BHMT2: variants seen among roughly 807,000 people sequenced by gnomAD.
BHMT2 encodes the protein S-methylmethionine--homocysteine S-methyltransferase BHMT2.
BHMT2 carries 28 observed loss-of-function variants against 39.0 expected under a neutral mutation model. The observed-to-expected ratio is 0.72, with a 90% CI of 0.53 to 0.98. The LOEUF is 0.98. Among genes scored for constraint, BHMT2 ranks in the 50% least tolerant of loss-of-function variants. The probability of loss-of-function intolerance (pLI) is 0.00; values close to 1 mark genes in which losing one functional copy is unlikely to be tolerated. For synonymous variants in BHMT2, 145 were observed against 160.6 expected, an observed-to-expected ratio of 0.90 and a Z score of 0.74; for missense variants, 410 against 455.6, an observed-to-expected ratio of 0.90 and a Z score of 0.91.
At chr5:79,087,014 G>GTATATATATATATATATATATATATATA (rs369119738) in intron 7 of BHMT2, among the ~76,000 whole-genome samples, 1 of 118,322 alleles carries the variant, frequency 8.5e-6, no homozygotes, top group Non-Finnish European at 1.7e-5. Context: ...GTGTGTGTGT[G>GTATATATATATATATATATATATATATA]TATATATATA....
chr5:79,076,242 C>T (rs1341280407), intron 1 of BHMT2, among the ~76,000 whole-genome samples: 2 of 152,292 alleles, frequency 1.3e-5, no homozygotes, highest in South Asian at 2.1e-4. Flanking sequence ...AATTCCACTT[C>T]GTCTGTGTCA....
intron 2 of BHMT2, 188 bp downstream of exon 2, chr5:79,077,800 A>C: frequency 1.8e-6 from 1 of 567,594 alleles, no homozygotes; most frequent in Non-Finnish European, 2.9e-6. Context: ...TCTCTCTCTC[A>C]TACACACACC....
At chr5:79,087,439 G>A (rs1755923412) in intron 7 of BHMT2, among the ~76,000 whole-genome samples, 1 of 152,026 alleles carries the variant, frequency 6.6e-6, no homozygotes, top group African/African-American at 2.4e-5. Context: ...TCATCTGCTA[G>A]GAATCCTTAA....
At chr5:79,080,628 T>G in intron 3 of BHMT2, 59 bp from the exon 4 acceptor site, 1 of 1,471,994 alleles carries the variant, frequency 6.8e-7, no homozygotes, top group Non-Finnish European at 9.1e-7. Flanking sequence ...TAGTTATCTT[T>G]TATATTTTAC....
intron 1 of BHMT2, 112 bp downstream of exon 1, chr5:79,069,927 T>C (rs1379554000): frequency 1.8e-6 from 2 of 1,132,994 alleles, no homozygotes; most frequent in Admixed American, 4.3e-5. Context: ...GGCAAAACAC[T>C]TGGACGGGAT....
At chr5:79,069,869 G>A (rs1247602869) in intron 1 of BHMT2, 54 bp downstream of exon 1, 45 of 1,346,376 alleles carry the variant, frequency 3.3e-5, no homozygotes, top group Non-Finnish European at 4.2e-5. Flanking sequence ...GGCTGCGAGC[G>A]ACTCCGTTCA....
intron 7 of BHMT2, among the ~76,000 whole-genome samples, chr5:79,085,030 G>A (rs995030639): frequency 2.0e-5 from 3 of 151,894 alleles, no homozygotes; most frequent in Non-Finnish European, 4.4e-5. Flanking sequence ...CTACCCCTTG[G>A]TGTCTTTAAG....
intron 1 of BHMT2, among the ~76,000 whole-genome samples, chr5:79,071,494 G>T (rs542633271): frequency 1.1e-3 from 171 of 152,316 alleles, no homozygotes; most frequent in Non-Finnish European, 1.7e-3. Context: ...TGCAAGGCAG[G>T]TTCACTGCCA....
chr5:79,072,053 G>T (rs532518796), intron 1 of BHMT2, among the ~76,000 whole-genome samples: 4 of 152,020 alleles, frequency 2.6e-5, no homozygotes, highest in Non-Finnish European at 5.9e-5. Context: ...GATCATCTAA[G>T]GTCAGGAGTT....
chr5:79,075,250 A>G (rs1047535313), intron 1 of BHMT2, among the ~76,000 whole-genome samples: 1 of 152,146 alleles, frequency 6.6e-6, no homozygotes, highest in Non-Finnish European at 1.5e-5. Flanking sequence ...AGGACTGTGC[A>G]ATTTGGTGCA....
intron 1 of BHMT2, among the ~76,000 whole-genome samples, chr5:79,071,806 C>A (rs1272682793): frequency 7.0e-6 from 1 of 142,936 alleles, no homozygotes; most frequent in Non-Finnish European, 1.5e-5. Context: ...TGCACATGTA[C>A]CCCTGAACTT....
At chr5:79,077,342 A>T in intron 1 of BHMT2, 138 bp from the exon 2 acceptor site, 1 of 1,171,914 alleles carries the variant, frequency 8.5e-7, no homozygotes, top group Non-Finnish European at 1.2e-6. Context: ...AATCTTTCTG[A>T]AATATTATTA....
rs543784862 is a variant in BHMT2 at position 79,087,167 on chromosome 5, T to C, written c.1011-1326T>C. Among the ~76,000 whole-genome samples, 10 of 151,622 alleles carry C rather than the reference T, an allele frequency of 6.6e-5. No homozygotes were observed. The East Asian group carries it at 1.9e-3, about 29-fold the overall frequency. ...ACTTCACCCATTTTGTGCTTATTTATTCATTTCAGTGGGATTTGAAAGTCT... is the reference window on the plus strand; with the variant it reads ...ACTTCACCCATTTTGTGCTTATTTACTCATTTCAGTGGGATTTGAAAGTCT... On this transcript the variant is annotated intron_variant, in intron 7 of 7. Transcript: ENST00000255192.
chr5:79,077,292 A>T (rs1231064014), intron 1 of BHMT2, among the ~76,000 whole-genome samples, 188 bp from the exon 2 acceptor site: 1 of 152,232 alleles, frequency 6.6e-6, no homozygotes, highest in African/African-American at 2.4e-5. Context: ...TTCATTGTAC[A>T]AAATAGGAAC....
chr5:79,080,596 TCTTA>T, intron 3 of BHMT2, 87 bp from the exon 4 acceptor site: 1 of 1,209,222 alleles, frequency 8.3e-7, no homozygotes, highest in Non-Finnish European at 1.1e-6. Context: ...CTTATACTCA[TCTTA>T]CTTGTTTATT....
rs562389744 is a variant in BHMT2 at position 79,089,909 on chromosome 5, A to C, written c.*1335A>C. Among the ~76,000 whole-genome samples the C allele has an allele frequency of 6.6e-6, 1 of 152,242 alleles. No individual in the cohort carries two copies. The highest frequency in any genetic ancestry group is 2.1e-4 in the South Asian group (1 of 4,830). ...CTTGAACCTGGGAGGCAGAGGTTGC[A>C]GTGAGCTGAGATCGCCCCACTGCAA... is the stretch of plus-strand genomic sequence containing the variant. On this transcript the variant is annotated 3_prime_UTR_variant, in exon 8 of 8. Coordinates refer to ENST00000255192, the MANE Select transcript of BHMT2 (RefSeq NM_017614.5).
chr5:79,087,027 T>C (rs1755913818), intron 7 of BHMT2, among the ~76,000 whole-genome samples: 2 of 146,378 alleles, frequency 1.4e-5, no homozygotes, highest in South Asian at 4.2e-4. Context: ...TATATATATA[T>C]ATATATATAT....
At chr5:79,077,948 CCA>C (rs1375630215) in intron 2 of BHMT2, 11 of 181,916 alleles carry the variant, frequency 6.0e-5, no homozygotes, top group Non-Finnish European at 1.2e-4. Context: ...ACATACACAC[CCA>C]CACAACACAC....
In BHMT2 at chr5:79,087,014, G is replaced by GTATA. The variant is rs369119738; in HGVS notation, c.1011-1454_1011-1451dup. On this transcript the variant is annotated intron_variant, in intron 7 of 7. Coordinates refer to ENST00000255192, the MANE Select transcript of BHMT2 (RefSeq NM_017614.5). Reference sequence around the variant, plus strand: ...TGTGTATGTATGTGTGTGTGTGTGTGTATATATATATATATATATATATAT... The same window carrying GTATA: ...TGTGTATGTATGTGTGTGTGTGTGTGTATATATATATATATATATATATATATAT... Among the ~76,000 whole-genome samples the GTATA allele has an allele frequency of 5.5e-3, 656 of 118,230 alleles. 8 individuals are homozygous for GTATA. The highest frequency in any genetic ancestry group is 0.017 in the African/African-American group (535 of 31,432). The allele number at this position is 118,230 out of a possible 152,430, so 77.6% of individuals were successfully genotyped here.
Sources: allele counts gnomAD v4.1 joint callset (sites outside exome capture counted in the v4.1 genomes callset), GRCh38; gene constraint gnomAD v4.1.1; transcripts MANE v1.5; gene names NCBI Gene and HGNC (gene_info 2026-07-23, HGNC 2026-07-21).